GFM2: variants seen among roughly 807,000 people sequenced by gnomAD.
GFM2 encodes ribosome-releasing factor 2, mitochondrial.
Under a neutral mutation model 95.4 loss-of-function variants are expected in GFM2, and 72 were observed. The observed-to-expected ratio is 0.76, with a 90% CI of 0.62 to 0.92. GFM2 has a LOEUF of 0.92. Among genes scored for constraint, GFM2 ranks in the 40% least tolerant of loss-of-function variants. The pLI, the probability that GFM2 is intolerant of heterozygous loss-of-function variation, is 0.00. For synonymous variants in GFM2, 276 were observed against 317.5 expected, an observed-to-expected ratio of 0.87 and a Z score of 1.39; for missense variants, 825 against 924.1, an observed-to-expected ratio of 0.89 and a Z score of 1.39.
intron 20 of GFM2, 109 bp downstream of exon 20, chr5:74,722,270 C>CTCCAACAATT: frequency 3.3e-6 from 3 of 912,776 alleles, no homozygotes; most frequent in Non-Finnish European, 5.0e-6. Context: ...CATGTATTCT[C>CTCCAACAATT]TAAATCAAAG....
At position 74,740,316 on chromosome 5, in the gene GFM2, A is replaced by T. The variant is rs544364582; in HGVS notation, c.931-179T>A. Among the ~76,000 whole-genome samples, 4 of 152,290 alleles carry T rather than the reference A, an allele frequency of 2.6e-5. No individual in the cohort carries two copies. The East Asian group carries it at 7.7e-4, about 29-fold the overall frequency. ...CTGGATGTTAGATATTTATTAGTTT[A>T]TCTGTCTCCTATTCGCTAGAATGTA... On this transcript the variant is annotated intron_variant, in intron 11 of 20. Transcript: ENST00000296805.
Position 74,738,518 on chromosome 5 carries a change from T to C in GFM2, c.1204A>G (p.Ile402Val), listed in dbSNP as rs1193504632. The C allele has an allele frequency of 6.2e-7, 1 of 1,613,118 alleles. No homozygotes were observed. The highest frequency in any genetic ancestry group is 8.5e-7 in the Non-Finnish European group (1 of 1,179,588). Residue 402 changes from isoleucine to valine, a missense_variant, in exon 13 of 21, where the codon ATT becomes GTT. Transcript: ENST00000296805. ...TCTACTTACGTGCAGTTTCCATTAATATTATGAATGGCCAACTGGGGTTTT... is the reference window on the plus strand; with the variant it reads ...TCTACTTACGTGCAGTTTCCATTAACATTATGAATGGCCAACTGGGGTTTT... ...TIKPQLAIHNINGNCTERISR... is the reference protein window; with the variant it reads ...TIKPQLAIHNVNGNCTERISR...
Position 74,725,660 on chromosome 5 carries a change from C to T in GFM2, c.2008G>A (p.Val670Ile). 1 of 1,612,718 alleles carries T rather than the reference C, an allele frequency of 6.2e-7. No individual in the cohort carries two copies. The highest frequency in any genetic ancestry group is 2.2e-5 in the East Asian group (1 of 44,854). Residue 670 changes from valine to isoleucine, a missense_variant, in exon 19 of 21, where the codon GTC (valine) becomes ATC (isoleucine). Transcript: ENST00000296805. ...GTSTTMISAC[V>I]SRCVQKALKK... ...TATACCTTTTGCACGCATCTTGAGA[C>T]ACAGGCAGAAATCATAGTTGTGGAG... is the stretch of plus-strand genomic sequence containing the variant.
intron 10 of GFM2, among the ~76,000 whole-genome samples, chr5:74,742,520 T>G (rs1399180550): frequency 6.6e-6 from 1 of 152,198 alleles, no homozygotes; most frequent in Non-Finnish European, 1.5e-5. Context: ...GCTTTAAGAA[T>G]ATATACTAGT....
chr5:74,726,525 G>T (rs62366373), intron 17 of GFM2, among the ~76,000 whole-genome samples: 11,236 of 151,984 alleles, frequency 0.074, 611 homozygotes, highest in East Asian at 0.16. Context: ...AAAATTAAAC[G>T]ACTTTAAATC....
intron 2 of GFM2, among the ~76,000 whole-genome samples, chr5:74,761,773 C>T (rs999923813): frequency 6.6e-6 from 1 of 152,158 alleles, no homozygotes; most frequent in African/African-American, 2.4e-5. Flanking sequence ...TATTCTCCAC[C>T]TCAGTTTATG....
At chr5:74,726,164 T>C in intron 17 of GFM2, 38 bp from the exon 18 acceptor site, 1 of 1,498,776 alleles carries the variant, frequency 6.7e-7, no homozygotes, top group Non-Finnish European at 9.1e-7. Flanking sequence ...AGAGATTAAT[T>C]CTGGAAAGGT....
At position 74,757,255 on chromosome 5, in the gene GFM2, A is replaced by G. The variant is rs184858525; in HGVS notation, c.304+1594T>C. ...AGAGAGAACATTCTATGTGGGTTCT[A>G]TTTTTATATATTCAGTTTCTTGGCA... is the stretch of plus-strand genomic sequence containing the variant. On this transcript the variant is annotated intron_variant, in intron 5 of 20. Transcript: ENST00000296805. Among the ~76,000 whole-genome samples the G allele has an allele frequency of 2.7e-3, 405 of 152,212 alleles. 5 individuals are homozygous for G. Among genetic ancestry groups the G allele is most frequent in the African/African-American group, 9.0e-3 (374 of 41,548 alleles).
chr5:74,732,981 C>G, intron 16 of GFM2, 41 bp downstream of exon 16: 3 of 1,025,604 alleles, frequency 2.9e-6, no homozygotes, highest in Non-Finnish European at 4.6e-6. Flanking sequence ...CACACACACT[C>G]TTATAGAAAG....
intron 19 of GFM2, among the ~76,000 whole-genome samples, chr5:74,724,384 C>T (rs1750053220): frequency 1.3e-5 from 2 of 151,382 alleles, no homozygotes; most frequent in Admixed American, 1.3e-4. Context: ...GTAATCCTAG[C>T]ACTTTGGGTT....
chr5:74,733,296 G>A, intron 15 of GFM2, 198 bp from the exon 16 acceptor site: 1 of 421,202 alleles, frequency 2.4e-6, no homozygotes, highest in Non-Finnish European at 4.2e-6. Flanking sequence ...TTTGCGACCA[G>A]CCTGGGCAAC....
At chr5:74,749,856 A>C (rs578097900) in intron 7 of GFM2, among the ~76,000 whole-genome samples, 2 of 152,286 alleles carry the variant, frequency 1.3e-5, no homozygotes, top group South Asian at 4.1e-4. Flanking sequence ...TATGTCCTCT[A>C]AGAAATTTTT....
intron 10 of GFM2, 35 bp from the exon 11 acceptor site, chr5:74,741,644 AT>A: frequency 9.4e-7 from 1 of 1,068,858 alleles, no homozygotes; most frequent in Admixed American, 2.1e-5. Flanking sequence ...TATAACTTGC[AT>A]TTACTTTCAT....
intron 5 of GFM2, among the ~76,000 whole-genome samples, chr5:74,752,080 A>G (rs1054028365): frequency 6.6e-6 from 1 of 152,154 alleles, no homozygotes; most frequent in Non-Finnish European, 1.5e-5. Context: ...CCAATATTAA[A>G]TTATCCTTTA....
intron 15 of GFM2, among the ~76,000 whole-genome samples, chr5:74,736,159 T>C (rs913915922): frequency 2.6e-5 from 4 of 152,150 alleles, no homozygotes; most frequent in Non-Finnish European, 5.9e-5. Context: ...TGTTAGGAGA[T>C]AGAGAGAAAT....
At chr5:74,733,309 GGC>G in intron 15 of GFM2, 19 of 393,970 alleles carry the variant, frequency 4.8e-5, no homozygotes, top group South Asian at 1.4e-4. Context: ...TGGGCAACAT[GGC>G]GAAACCCCGT....
At chr5:74,745,458 G>T (rs1167066972) in intron 10 of GFM2, among the ~76,000 whole-genome samples, 1 of 152,100 alleles carries the variant, frequency 6.6e-6, no homozygotes, top group East Asian at 1.9e-4. Context: ...ATTGTATTAG[G>T]TATTATAAGT....
At chr5:74,734,017 T>C (rs1336887926) in intron 15 of GFM2, among the ~76,000 whole-genome samples, 1 of 152,136 alleles carries the variant, frequency 6.6e-6, no homozygotes, top group Non-Finnish European at 1.5e-5. Flanking sequence ...ACAGACAAAG[T>C]GTAGCTAAAG....
At chr5:74,752,662 C>A (rs75898801) in intron 5 of GFM2, among the ~76,000 whole-genome samples, 9,177 of 152,252 alleles carry the variant, frequency 0.06, 345 homozygotes, top group Non-Finnish European at 0.088. Context: ...TTATAAAGAT[C>A]TTTATTTCAC....
Sources: gnomAD v4.1 joint callset for allele counts (sites outside exome capture counted in the v4.1 genomes callset) on GRCh38, gnomAD v4.1.1 for gene constraint, MANE v1.5 for transcripts, NCBI Gene and HGNC (gene_info 2026-07-23, HGNC 2026-07-21) for gene names.